CSMD1: variants seen among roughly 807,000 people sequenced by gnomAD.
CSMD1 encodes the protein CUB and Sushi multiple domains 1, also known as CUB and sushi domain-containing protein 1.
Under a neutral mutation model 417.5 loss-of-function variants are expected in CSMD1, and 213 were observed. The ratio of observed to expected loss-of-function variants is 0.51; its 90% CI spans 0.46 to 0.57. The LOEUF (loss-of-function observed/expected upper bound fraction) is 0.57. Ranked by LOEUF, CSMD1 falls within the 20% of genes least tolerant of loss-of-function variation. CSMD1 has a pLI of 0.00. For synonymous variants in CSMD1, 2,862 were observed against 1,736.8 expected (o/e 1.65, Z -16.11); for missense variants, 6,923 against 4,529.7 (o/e 1.53, Z -15.17).
chr8:3,107,813 G>A lies in CSMD1; in HGVS notation c.6755-15C>T. ...GAGCTGAAATGCTAAATGATTAATGGAAAGAATAATAATAATTGCAATTAC... is the reference window on the plus strand; with the variant it reads ...GAGCTGAAATGCTAAATGATTAATGAAAAGAATAATAATAATTGCAATTAC... On this transcript the variant is annotated splice_polypyrimidine_tract_variant and intron_variant, in intron 44 of 69. Coordinates refer to ENST00000635120, the MANE Select transcript of CSMD1 (RefSeq NM_033225.6). The A allele has an allele frequency of 6.6e-7, 1 of 1,515,130 alleles. No individual in the cohort carries two copies. The highest frequency in any genetic ancestry group is 9.0e-7 in the Non-Finnish European group (1 of 1,112,066). 93.9% of individuals were successfully genotyped at this position (1,515,130 alleles called of 1,614,324 possible). A position where few individuals can be genotyped will look rare whatever the true frequency, so the allele number is the denominator to read the frequency against.
intron 3 of CSMD1, among the ~76,000 whole-genome samples, chr8:4,145,228 T>C (rs1344326513): frequency 1.3e-5 from 2 of 150,916 alleles, no homozygotes; most frequent in South Asian, 2.1e-4. Flanking sequence ...CTTTTCCAAA[T>C]AGGACATTCA....
At chr8:4,978,735 C>T (rs1470724070) in intron 1 of CSMD1, among the ~76,000 whole-genome samples, 7 of 152,014 alleles carry the variant, frequency 4.6e-5, no homozygotes, top group South Asian at 2.1e-4. Flanking sequence ...GTCAGTAGTT[C>T]GAGACCAGCC....
chr8:3,276,482 A>G (rs1047158640), intron 26 of CSMD1, among the ~76,000 whole-genome samples: 2 of 152,168 alleles, frequency 1.3e-5, no homozygotes, highest in African/African-American at 4.8e-5. Flanking sequence ...GGAAACTCCC[A>G]TTTATAAAAC....
intron 18 of CSMD1, among the ~76,000 whole-genome samples, chr8:3,380,194 G>A (rs1198492720): frequency 6.6e-6 from 1 of 152,146 alleles, no homozygotes; most frequent in Non-Finnish European, 1.5e-5. Flanking sequence ...GTGAGACACA[G>A]TCTCACAACC....
intron 5 of CSMD1, among the ~76,000 whole-genome samples, chr8:3,987,977 T>G (rs1814463985): frequency 6.6e-6 from 1 of 152,218 alleles, no homozygotes; most frequent in Admixed American, 6.5e-5. Context: ...TGCTCAACTT[T>G]TTAACTCAAT....
intron 2 of CSMD1, among the ~76,000 whole-genome samples, chr8:4,590,103 G>C (rs1046465016): frequency 3.3e-5 from 5 of 151,746 alleles, no homozygotes; most frequent in Admixed American, 6.6e-5. Context: ...AGTTATATAG[G>C]TTTATTTAGA....
chr8:4,012,309 A>T (rs542859542), intron 4 of CSMD1, among the ~76,000 whole-genome samples: 33 of 152,206 alleles, frequency 2.2e-4, no homozygotes, highest in African/African-American at 7.5e-4. Context: ...TTCATCTTCC[A>T]ATCCTTGGTA....
rs138533184 is a variant in CSMD1, at chr8:4,302,517, T to C, written c.415+117436A>G. 2.3e-3 allele frequency among the ~76,000 whole-genome samples: 351 copies of C among 152,290 alleles called. 8 individuals are homozygous for C. In the East Asian group the frequency reaches 0.05, roughly 22 times the overall value. On this transcript the variant is annotated intron_variant, in intron 3 of 69. Transcript: ENST00000635120. ...ACTTGACCACAGTAGCGTGCTTGCA[T>C]GTAGGAAGTCAGATTAAGAGACCGT...
intron 26 of CSMD1, among the ~76,000 whole-genome samples, chr8:3,266,368 G>A (rs956720060): frequency 6.6e-6 from 1 of 151,892 alleles, no homozygotes; most frequent in African/African-American, 2.4e-5. Context: ...CACTGTGGGA[G>A]GCTGAGGCGG....
At chr8:4,385,970 C>G (rs1803421314) in intron 3 of CSMD1, among the ~76,000 whole-genome samples, 1 of 152,054 alleles carries the variant, frequency 6.6e-6, no homozygotes, top group Admixed American at 6.6e-5. Flanking sequence ...GCATCAGCAT[C>G]TTTCCTTTAA....
intron 3 of CSMD1, among the ~76,000 whole-genome samples, chr8:4,078,033 A>G (rs1391518239): frequency 3.9e-5 from 6 of 152,312 alleles, no homozygotes; most frequent in Non-Finnish European, 8.8e-5. Flanking sequence ...CAAGAAATGC[A>G]ATCCACCAGT....
At chr8:3,739,704 T>C (rs1333403141) in intron 6 of CSMD1, among the ~76,000 whole-genome samples, 2 of 152,178 alleles carry the variant, frequency 1.3e-5, no homozygotes, top group Non-Finnish European at 2.9e-5. Context: ...CATGGCATAA[T>C]GGGTATTATA....
intron 5 of CSMD1, among the ~76,000 whole-genome samples, chr8:3,968,523 C>T (rs11993584): frequency 0.017 from 2,538 of 149,808 alleles, 65 homozygotes; most frequent in African/African-American, 0.058. Context: ...CAACATACTG[C>T]AAATGCCATT....
chr8:3,546,773 A>G, intron 10 of CSMD1, among the ~76,000 whole-genome samples: 1 of 152,202 alleles, frequency 6.6e-6, no homozygotes, highest in East Asian at 1.9e-4. Flanking sequence ...TCATGACATG[A>G]ACTTTTTGAA....
intron 5 of CSMD1, among the ~76,000 whole-genome samples, chr8:3,934,096 G>A (rs1013751727): frequency 1.3e-5 from 2 of 152,126 alleles, no homozygotes; most frequent in Non-Finnish European, 2.9e-5. Flanking sequence ...TCTAAGGAAT[G>A]TTTTTGAAAA....
chr8:4,403,225 G>A (rs1259856820), intron 3 of CSMD1, among the ~76,000 whole-genome samples: 1 of 152,040 alleles, frequency 6.6e-6, no homozygotes, highest in Non-Finnish European at 1.5e-5. Context: ...TTCCTTATGA[G>A]AATATAAAGA....
chr8:3,226,439 C>T (rs1354575132), intron 27 of CSMD1, among the ~76,000 whole-genome samples: 2 of 151,866 alleles, frequency 1.3e-5, no homozygotes, highest in African/African-American at 4.8e-5. Flanking sequence ...AAAAAATAGC[C>T]GGGCGTGGTG....
chr8:4,103,105 G>T (rs1432277474), intron 3 of CSMD1, among the ~76,000 whole-genome samples: 4 of 152,196 alleles, frequency 2.6e-5, no homozygotes, highest in South Asian at 2.1e-4. Flanking sequence ...CTATAAAGTG[G>T]ATTCTATCTC....
At chr8:4,469,929 G>C (rs949686580) in intron 2 of CSMD1, among the ~76,000 whole-genome samples, 1 of 151,252 alleles carries the variant, frequency 6.6e-6, no homozygotes, top group Non-Finnish European at 1.5e-5. Flanking sequence ...GTGCAGTGGT[G>C]TGATCTCGGC....
Sources: gnomAD v4.1 joint callset for allele counts (sites outside exome capture counted in the v4.1 genomes callset) on GRCh38, gnomAD v4.1.1 for gene constraint, MANE v1.5 for transcripts, NCBI Gene and HGNC (gene_info 2026-07-23, HGNC 2026-07-21) for gene names.